Variants in NEDD4L observed in about 807,000 individuals in gnomAD.
NEDD4L encodes NEDD4 like E3 ubiquitin protein ligase, also known as E3 ubiquitin-protein ligase NEDD4-like.
A neutral mutation model predicts 148.9 loss-of-function variants in NEDD4L; 54 were observed. The ratio of observed to expected loss-of-function variants is 0.36; its 90% CI spans 0.29 to 0.45. The LOEUF (loss-of-function observed/expected upper bound fraction) is 0.45. NEDD4L is among the 20% of genes least tolerant of loss of function. The probability of loss-of-function intolerance (pLI) is 1.00; values close to 1 mark genes in which losing one functional copy is unlikely to be tolerated. For missense variants in NEDD4L, 856 were observed against 1,233.8 expected (o/e 0.69, Z 4.59); for synonymous variants, 433 against 440.7 (o/e 0.98, Z 0.22).
intron 19 of NEDD4L, 184 bp downstream of exon 19, chr18:58,357,436 T>A: frequency 1.4e-6 from 1 of 709,518 alleles, no homozygotes; most frequent in Admixed American, 2.0e-5. Context: ...TGCATGTGCC[T>A]TTTCAGATGG....
At chr18:58,086,539 A>G (rs1027565934) in intron 1 of NEDD4L, among the ~76,000 whole-genome samples, 2 of 152,168 alleles carry the variant, frequency 1.3e-5, no homozygotes, top group Non-Finnish European at 2.9e-5. Context: ...AATATTAGGG[A>G]AAAACTTTCA....
intron 2 of NEDD4L, among the ~76,000 whole-genome samples, chr18:58,236,307 T>C (rs2046009221): frequency 6.8e-6 from 1 of 147,816 alleles, no homozygotes; most frequent in Non-Finnish European, 1.5e-5. Flanking sequence ...CAGTAAGCCA[T>C]GATCTTGCCA....
chr18:58,282,979 T>A (rs1395228225), intron 5 of NEDD4L, among the ~76,000 whole-genome samples: 1 of 152,230 alleles, frequency 6.6e-6, no homozygotes, highest in African/African-American at 2.4e-5. Flanking sequence ...CCCAGGATGA[T>A]GACGGCTAAT....
chr18:58,052,285 C>T (rs1428838418), intron 1 of NEDD4L, among the ~76,000 whole-genome samples: 2 of 152,066 alleles, frequency 1.3e-5, no homozygotes, highest in African/African-American at 2.4e-5. Flanking sequence ...TGGTGGTTGG[C>T]GATGTAAAGA....
chr18:58,124,684 C>T (rs557343897), intron 1 of NEDD4L, among the ~76,000 whole-genome samples: 60 of 152,218 alleles, frequency 3.9e-4, no homozygotes, highest in Non-Finnish European at 5.9e-4. Flanking sequence ...TTCACCACCA[C>T]ATCCTGCCCA....
intron 1 of NEDD4L, among the ~76,000 whole-genome samples, chr18:58,073,245 T>G (rs1259457618): frequency 5.3e-5 from 8 of 152,014 alleles, no homozygotes; most frequent in Non-Finnish European, 1.2e-4. Context: ...ATTAACAAGT[T>G]TATTTTAAAA....
At chr18:58,082,798 A>G (rs575914338) in intron 1 of NEDD4L, among the ~76,000 whole-genome samples, 1 of 152,160 alleles carries the variant, frequency 6.6e-6, no homozygotes, top group East Asian at 1.9e-4. Context: ...CAAAAAAAAA[A>G]AAAAAAAGCT....
At chr18:58,283,049 CCTTA>C (rs2053393978) in intron 5 of NEDD4L, among the ~76,000 whole-genome samples, 1 of 149,608 alleles carries the variant, frequency 6.7e-6, no homozygotes, top group Admixed American at 6.7e-5. Context: ...TTGCACACTG[CCTTA>C]TTTATTTATT....
rs879839350 is a variant in NEDD4L at position 58,397,061 on chromosome 18, G to A, written c.*792G>A. 3 of 152,620 alleles carry A rather than the reference G, an allele frequency of 2.0e-5. No individual in the cohort carries two copies. Among genetic ancestry groups the A allele is most frequent in the Non-Finnish European group, 4.4e-5 (3 of 68,038 alleles). The allele number at this position is 152,620 out of a possible 1,614,324, so 9.5% of individuals were successfully genotyped here. ...CATTATTCCTTAGAAGTAATTACAT[G>A]TGTTCTAACACATTTGAGACAGGGT... On this transcript the variant is annotated 3_prime_UTR_variant, in exon 31 of 31. Coordinates refer to ENST00000400345, the MANE Select transcript of NEDD4L (RefSeq NM_001144967.3).
chr18:58,246,472 T>G (rs1347274933), intron 3 of NEDD4L, among the ~76,000 whole-genome samples: 2 of 152,214 alleles, frequency 1.3e-5, no homozygotes, highest in Admixed American at 6.5e-5. Flanking sequence ...GTTATTTATT[T>G]ATTTAGTTTG....
At chr18:58,285,815 A>G (rs1426803151) in intron 5 of NEDD4L, among the ~76,000 whole-genome samples, 3 of 152,336 alleles carry the variant, frequency 2.0e-5, no homozygotes. Context: ...TAAATATTAG[A>G]TGAACTTTAT....
rs755796418 is a variant in NEDD4L at position 58,343,059 on chromosome 18, G to A, written c.1531G>A (p.Gly511Ser). ...PGWEMRIAPN[G>S]RPFFIDHNTK... ...CTGGGAAATGAGGATAGCGCCAAAC[G>A]GCCGGCCCTTCTTCATTGATCATAA... Residue 511 changes from glycine to serine, a missense_variant, in exon 16 of 31, where the codon GGC becomes AGC. This residue lies in a region of NEDD4L where 367 missense variants were observed against 422.7 expected (regional missense o/e 0.87). Transcript: ENST00000400345. 21 of 1,611,856 alleles carry A rather than the reference G, an allele frequency of 1.3e-5. No homozygotes were observed. Among genetic ancestry groups the A allele is most frequent in the African/African-American group, 1.3e-5 (1 of 74,856 alleles).
chr18:58,313,697 G>A (rs1020361928), intron 5 of NEDD4L, among the ~76,000 whole-genome samples: 1 of 152,232 alleles, frequency 6.6e-6, no homozygotes, highest in Non-Finnish European at 1.5e-5. Flanking sequence ...CGCAGCCTTG[G>A]CACAGAGCCC....
intron 5 of NEDD4L, among the ~76,000 whole-genome samples, chr18:58,299,839 G>A (rs974489212): frequency 6.6e-6 from 1 of 152,114 alleles, no homozygotes; most frequent in Non-Finnish European, 1.5e-5. Context: ...GGTATCCAAA[G>A]TAAGGCTCAA....
chr18:58,072,843 A>G (rs534384062), intron 1 of NEDD4L, among the ~76,000 whole-genome samples: 3 of 151,380 alleles, frequency 2.0e-5, no homozygotes, highest in East Asian at 1.9e-4. Flanking sequence ...GATCTTGTAT[A>G]TAGAAAATCC....
intron 2 of NEDD4L, among the ~76,000 whole-genome samples, chr18:58,172,100 G>T (rs1251157442): frequency 1.3e-5 from 2 of 152,112 alleles, no homozygotes; most frequent in Non-Finnish European, 2.9e-5. Flanking sequence ...CACCTTAGGG[G>T]TCAGGAGAGA....
Position 58,226,122 on chromosome 18 carries a change from A to G in NEDD4L, c.123-19305A>G, listed in dbSNP as rs542288942. On this transcript the variant is annotated intron_variant, in intron 2 of 30. Coordinates refer to ENST00000400345, the MANE Select transcript of NEDD4L (RefSeq NM_001144967.3). ...GGCCATTGATCTTGGAGCAGAATGA[A>G]TGGATATTTCCTGGAAAAAAATATT... Among the ~76,000 whole-genome samples, 4 of 152,332 alleles carry G rather than the reference A, an allele frequency of 2.6e-5. No individual in the cohort carries two copies. In the South Asian group the frequency reaches 8.3e-4, roughly 32 times the overall value.
intron 1 of NEDD4L, among the ~76,000 whole-genome samples, chr18:58,107,724 A>AG (rs1458068191): frequency 6.7e-6 from 1 of 149,598 alleles, no homozygotes; most frequent in Non-Finnish European, 1.5e-5. Context: ...TGTCTCCAGA[A>AG]AAAAAAAAAA....
At position 58,333,882 on chromosome 18, in the gene NEDD4L, A is replaced by G. The variant is rs924303449; in HGVS notation, c.1055A>G (p.His352Arg). ...SVTDAVAEQGHLPPPSAPAGR... is the reference protein window; with the variant it reads ...SVTDAVAEQGRLPPPSAPAGR... ...ACCGACGCAGTTGCAGAACAGGGCC[A>G]TCTACCACCGGTAACCCATGCTAAT... The change falls in exon 12 of 31, where the codon CAT becomes CGT. Residue 352 changes from histidine (H) to arginine (R), a missense_variant. His to Arg is a conservative substitution (Grantham distance 29, BLOSUM62 0). This residue lies in a region of NEDD4L where 367 missense variants were observed against 422.7 expected (regional missense o/e 0.87). Coordinates refer to ENST00000400345, the MANE Select transcript of NEDD4L (RefSeq NM_001144967.3). The G allele has an allele frequency of 2.5e-6, 4 of 1,612,046 alleles. No homozygotes were observed. Among genetic ancestry groups the G allele is most frequent in the Non-Finnish European group, 3.4e-6 (4 of 1,178,848 alleles).
Sources: gnomAD v4.1 joint callset for allele counts (sites outside exome capture counted in the v4.1 genomes callset) on GRCh38, gnomAD v4.1.1 for gene constraint, gnomAD v4.1.1 regional missense constraint, MANE v1.5 for transcripts, NCBI Gene and HGNC (gene_info 2026-07-23, HGNC 2026-07-21) for gene names.